SMO: variants seen among roughly 807,000 people sequenced by gnomAD.
The protein encoded by SMO is smoothened, frizzled class receptor.
In SMO, 40 loss-of-function variants were observed where a neutral mutation model predicts 81.6. That is an observed-to-expected ratio of 0.49 (90% confidence interval 0.38 to 0.64). The LOEUF is 0.64. Ranked by LOEUF, SMO falls within the 30% of genes least tolerant of loss-of-function variation. SMO has a pLI of 0.00. For missense variants in SMO, 916 were observed against 1,061.1 expected, an observed-to-expected ratio of 0.86 and a Z score of 1.90; for synonymous variants, 434 against 432.1, an observed-to-expected ratio of 1.00 and a Z score of -0.05.
chr7:129,211,451 T>C lies in SMO; in HGVS notation c.1802-185T>C. 1.3e-6 allele frequency: 1 copy of C among 751,252 alleles called. No homozygotes were observed. The allele number at this position is 751,252 out of a possible 1,614,324, so 46.5% of individuals were successfully genotyped here. A position where few individuals can be genotyped will look rare whatever the true frequency, so the allele number is the denominator to read the frequency against. ...ATTTCTGGCCTCCAGTTAGGCCCTT[T>C]GGGGACGTGAGGCCCTTCTCTTCAG... is the stretch of plus-strand genomic sequence containing the variant. On this transcript the variant is annotated intron_variant, in intron 10 of 11. Transcript: ENST00000249373. The surrounding 1 kb of genome is among the most constrained non-coding windows in gnomAD (Gnocchi z 4.6).
Position 129,192,298 on chromosome 7 carries a change from A to G in SMO, c.331+2816A>G, listed in dbSNP as rs147264333. On this transcript the variant is annotated intron_variant, in intron 1 of 11. Transcript: ENST00000249373. Reference sequence around the variant, plus strand: ...GGCTTGGTGCTTTGAAAGAAAGTATAAGAGTTGCAGTAGAACTGGATCAAA... The same window carrying G: ...GGCTTGGTGCTTTGAAAGAAAGTATGAGAGTTGCAGTAGAACTGGATCAAA... Among the ~76,000 whole-genome samples the G allele has an allele frequency of 3.3e-3, 508 of 152,310 alleles. 4 individuals are homozygous for G. Among genetic ancestry groups the G allele is most frequent in the African/African-American group, 0.011 (476 of 41,560 alleles).
intron 1 of SMO, among the ~76,000 whole-genome samples, chr7:129,195,030 G>A (rs1036938978): frequency 3.9e-5 from 6 of 152,050 alleles, no homozygotes; most frequent in Admixed American, 1.3e-4. Context: ...TGAGCCACCC[G>A]CCTCATACTG....
chr7:129,197,628 C>T (rs1452251575), intron 1 of SMO, among the ~76,000 whole-genome samples: 4 of 152,022 alleles, frequency 2.6e-5, no homozygotes, highest in African/African-American at 4.8e-5. Flanking sequence ...GGGGTTTCAC[C>T]GTGTTAGCCA....
In SMO at chr7:129,210,981, G is replaced by A. The variant is rs1563151472; in HGVS notation, c.1669G>A (p.Asp557Asn). The change falls in exon 10 of 12, where the codon GAC (aspartate) becomes AAC (asparagine). Residue 557 changes from aspartate (D) to asparagine (N), a missense_variant. Asp to Asn is a conservative substitution (Grantham distance 23). Around this residue, in one of 4 missense-constraint regions of SMO, gnomAD observed 324 missense variants for 312.9 expected, o/e 1.04. Transcript: ENST00000249373. The surrounding 1 kb of genome is among the most constrained non-coding windows in gnomAD (Gnocchi z 4.7). ...RTWCRLTGQS[D>N]DEPKRIKKSK... ...TGCTCTCAGGTTGACTGGGCAGAGT[G>A]ACGATGAGCCAAAGCGGATCAAGAA... The A allele has an allele frequency of 6.2e-7, 1 of 1,611,174 alleles. No homozygotes were observed. Among genetic ancestry groups the A allele is most frequent in the Non-Finnish European group, 8.5e-7 (1 of 1,178,510 alleles).
In SMO at chr7:129,189,713, G is replaced by A. The variant is rs535944863; in HGVS notation, c.331+231G>A. Among the ~76,000 whole-genome samples, 10 of 152,342 alleles carry A rather than the reference G, an allele frequency of 6.6e-5. No homozygotes were observed. In the East Asian group the frequency reaches 1.3e-3, roughly 21 times the overall value. ...ACGAAGCGGGTCACAAAGGGCCTGA[G>A]CTGGTGGGTGAGCAAAGGATGGCGG... On this transcript the variant is annotated intron_variant, in intron 1 of 11. Transcript: ENST00000249373. This position sits in a 1 kb window ranked among gnomAD's most constrained non-coding sequence, Gnocchi z 4.7.
chr7:129,212,580 G>A lies in SMO; in HGVS notation c.*129G>A, dbSNP rs1793895641. Reference sequence around the variant, plus strand: ...CTGTGGGCTGACTGCCCTCCGAAGAGAGTTCTGGATGTCTGGCTCAAAGCA... The same window carrying A: ...CTGTGGGCTGACTGCCCTCCGAAGAAAGTTCTGGATGTCTGGCTCAAAGCA... On this transcript the variant is annotated 3_prime_UTR_variant, in exon 12 of 12. Transcript: ENST00000249373. This position sits in a 1 kb window ranked among gnomAD's most constrained non-coding sequence, Gnocchi z 5.0. The A allele has an allele frequency of 1.2e-6, 1 of 857,546 alleles. No individual in the cohort carries two copies. The allele number at this position is 857,546 out of a possible 1,614,324, so 53.1% of individuals were successfully genotyped here. A position where few individuals can be genotyped will look rare whatever the true frequency, so the allele number is the denominator to read the frequency against.
Position 129,210,400 on chromosome 7 carries a change from C to A in SMO, c.1504C>A (p.Gln502Lys). The A allele has an allele frequency of 6.2e-7, 1 of 1,614,190 alleles. No individual in the cohort carries two copies. Among genetic ancestry groups the A allele is most frequent in the South Asian group, 1.1e-5 (1 of 91,086 alleles). Residue 502 changes from glutamine (Q) to lysine (K), a missense_variant, in exon 9 of 12, where the codon CAG becomes AAG. Physicochemically the swap from Gln to Lys is moderately conservative, Grantham distance 53 (BLOSUM62 1). Transcript: ENST00000249373. The surrounding 1 kb of genome is among the most constrained non-coding windows in gnomAD (Gnocchi z 4.7). Reference sequence around the variant, plus strand: ...TGTGACCATCGGGCTGCCCACCAAGCAGCCCATCCCTGACTGTGAGATCAA... The same window carrying A: ...TGTGACCATCGGGCTGCCCACCAAGAAGCCCATCCCTGACTGTGAGATCAA... The part of the protein sequence containing the change: ...ANVTIGLPTK[Q>K]PIPDCEIKNR...
Position 129,206,710 on chromosome 7 carries a change from T to C in SMO, c.1264+123T>C. Reference sequence around the variant, plus strand: ...AACCCCAGCTAGCTCCTATAGGGCCTTCACACAGTAGAAGGTGACCCTCTA... The same window carrying C: ...AACCCCAGCTAGCTCCTATAGGGCCCTCACACAGTAGAAGGTGACCCTCTA... On this transcript the variant is annotated intron_variant, in intron 6 of 11. Coordinates refer to ENST00000249373, the MANE Select transcript of SMO (RefSeq NM_005631.5). This position sits in a 1 kb window ranked among gnomAD's most constrained non-coding sequence, Gnocchi z 4.4. 1 of 936,220 alleles carries C rather than the reference T, an allele frequency of 1.1e-6. No homozygotes were observed. Among genetic ancestry groups the C allele is most frequent in the Non-Finnish European group, 1.5e-6 (1 of 647,108 alleles). 58.0% of individuals were successfully genotyped at this position (936,220 alleles called of 1,614,324 possible). A position where few individuals can be genotyped will look rare whatever the true frequency, so the allele number is the denominator to read the frequency against.
At chr7:129,198,837 C>A (rs564245734) in intron 1 of SMO, among the ~76,000 whole-genome samples, 1 of 152,340 alleles carries the variant, frequency 6.6e-6, no homozygotes, top group South Asian at 2.1e-4. Context: ...ATGACATTGC[C>A]TGATGACACA....
At chr7:129,207,970 T>TAA (rs1250610407) in intron 6 of SMO, among the ~76,000 whole-genome samples, 13 of 149,436 alleles carry the variant, frequency 8.7e-5, no homozygotes, top group Non-Finnish European at 5.9e-5. Context: ...CACACTGTAT[T>TAA]AAAAAAAAAA....
rs2075777 is a variant in SMO at position 129,205,436 on chromosome 7, G to C, written c.747+24G>C. The C allele has an allele frequency of 0.82, 1,311,632 of 1,597,758 alleles. 540,232 individuals carry two copies. Among genetic ancestry groups the C allele is most frequent in the Middle Eastern group, 0.88 (5,270 of 5,992 alleles). On this transcript the variant is annotated intron_variant, in intron 3 of 11. Transcript: ENST00000249373. ...TGGTCAGCCGCGGGAGGGCAGGCCC[G>C]GGGGGCCCTCAGCCTGGAACGTGGG...
Position 129,211,650 on chromosome 7 carries a change from G to A in SMO, c.1816G>A (p.Asp606Asn). The A allele has an allele frequency of 6.2e-7, 1 of 1,613,014 alleles. No homozygotes were observed. Among genetic ancestry groups the A allele is most frequent in the Non-Finnish European group, 8.5e-7 (1 of 1,179,964 alleles). The stretch of plus-strand genomic sequence containing the variant: ...CATTCCCACAGCGGGCTTGGCCTTT[G>A]ACCTCAATGAGCCCTCAGCTGATGT... ...HDGPVAGLAF[D>N]LNEPSADVSS... The change falls in exon 11 of 12, where the codon GAC becomes AAC. Residue 606 changes from aspartate to asparagine, a missense_variant. Transcript: ENST00000249373. The surrounding 1 kb of genome is among the most constrained non-coding windows in gnomAD (Gnocchi z 4.6).
intron 4 of SMO, 24 bp downstream of exon 4, chr7:129,205,806 G>A: frequency 1.3e-6 from 2 of 1,595,394 alleles, no homozygotes; most frequent in Non-Finnish European, 8.5e-7. Context: ...GGACCCAGAG[G>A]TGAAGGTACA....
At position 129,212,377 on chromosome 7, in the gene SMO, CAG is replaced by C. The variant is rs1157132860; in HGVS notation, c.2291_2292del (p.Gln764ArgfsTer52). The C allele has an allele frequency of 2.5e-6, 4 of 1,613,974 alleles. No homozygotes were observed. Among genetic ancestry groups the C allele is most frequent in the Non-Finnish European group, 3.4e-6 (4 of 1,180,052 alleles). On this transcript the variant is annotated frameshift_variant, in exon 12 of 12. Coordinates refer to ENST00000249373, the MANE Select transcript of SMO (RefSeq NM_005631.5). LOFTEE classifies it high-confidence loss of function. This position sits in a 1 kb window ranked among gnomAD's most constrained non-coding sequence, Gnocchi z 5.0. ...APVAWAHGRRQGLGPIHSRTN... is the reference protein window; with the variant it reads ...APVAWAHGRRXGLGPIHSRTN... Reference sequence around the variant, plus strand: ...CGTGGCATGGGCTCATGGCCGCCGACAGGGCCTGGGGCCTATTCACTCCCGCA... The same window carrying C: ...CGTGGCATGGGCTCATGGCCGCCGACGGCCTGGGGCCTATTCACTCCCGCA...
At chr7:129,191,850 C>T (rs1336942931) in intron 1 of SMO, among the ~76,000 whole-genome samples, 1 of 152,080 alleles carries the variant, frequency 6.6e-6, no homozygotes, top group Non-Finnish European at 1.5e-5. Context: ...TTCATGCATT[C>T]AGTTATGTAT....
intron 1 of SMO, among the ~76,000 whole-genome samples, chr7:129,194,539 C>T (rs969127941): frequency 6.6e-6 from 1 of 152,206 alleles, no homozygotes; most frequent in Non-Finnish European, 1.5e-5. Context: ...CTTGTCTAGT[C>T]ACATCCCCCT....
At chr7:129,199,673 G>T (rs1027283504) in intron 1 of SMO, among the ~76,000 whole-genome samples, 1 of 152,014 alleles carries the variant, frequency 6.6e-6, no homozygotes, top group African/African-American at 2.4e-5. Context: ...GGAGCTGAAG[G>T]CTGCAGTGAG....
rs749635307 is a variant in SMO, at chr7:129,212,292, C to T, written c.2205C>T (p.Asn735=). Residue 735 remains asparagine, a synonymous_variant, in exon 12 of 12, where the codon AAC becomes AAT. Transcript: ENST00000249373. This position sits in a 1 kb window ranked among gnomAD's most constrained non-coding sequence, Gnocchi z 5.0. ...AGGGAGCGTGGACCCTGGTCTCCAA[C>T]CCATTCTGCCCAGAGCCCAGTCCCC... ...CRQGAWTLVS[N]PFCPEPSPPQ... 4 of 1,613,826 alleles carry T rather than the reference C, an allele frequency of 2.5e-6. No individual in the cohort carries two copies. In the African/African-American group the frequency reaches 4.0e-5, roughly 16 times the overall value.
rs769096373 is a variant in SMO, at chr7:129,210,983, C to A, written c.1671C>A (p.Asp557Glu). Reference sequence around the variant, plus strand: ...CTCTCAGGTTGACTGGGCAGAGTGACGATGAGCCAAAGCGGATCAAGAAGA... The same window carrying A: ...CTCTCAGGTTGACTGGGCAGAGTGAAGATGAGCCAAAGCGGATCAAGAAGA... The part of the protein sequence containing the change: ...RTWCRLTGQS[D>E]DEPKRIKKSK... Residue 557 changes from aspartate (D) to glutamate (E), a missense_variant, in exon 10 of 12, where the codon GAC becomes GAA. By Grantham distance (45) the Asp-to-Glu change is conservative. Around this residue, in one of 4 missense-constraint regions of SMO, gnomAD observed 324 missense variants for 312.9 expected, o/e 1.04. Transcript: ENST00000249373. The surrounding 1 kb of genome is among the most constrained non-coding windows in gnomAD (Gnocchi z 4.7). 1 of 1,611,020 alleles carries A rather than the reference C, an allele frequency of 6.2e-7. No individual in the cohort carries two copies.
Sources: gnomAD v4.1 joint callset for allele counts (sites outside exome capture counted in the v4.1 genomes callset) on GRCh38, gnomAD v4.1.1 for gene constraint, gnomAD v4.1.1 regional missense constraint, Gnocchi (gnomAD v3.1) non-coding constraint, MANE v1.5 for transcripts, NCBI Gene and HGNC (gene_info 2026-07-23, HGNC 2026-07-21) for gene names.